The following SOX6 variants were observed in gnomAD, a reference collection of about 807,000 sequenced individuals.
The protein encoded by SOX6 is SRY-box transcription factor 6, also known as transcription factor SOX-6.
A neutral mutation model predicts 97.8 loss-of-function variants in SOX6; 11 were observed. The ratio of observed to expected loss-of-function variants is 0.11; its 90% CI spans 0.07 to 0.19. The LOEUF (loss-of-function observed/expected upper bound fraction) is 0.19, where lower values mean the gene tolerates loss of function less well. SOX6 is among the 10% of genes least tolerant of loss of function. The pLI is 1.00. For missense variants in SOX6, 810 were observed against 1,039.5 expected, an observed-to-expected ratio of 0.78 and a Z score of 3.04; for synonymous variants, 360 against 371.4, an observed-to-expected ratio of 0.97 and a Z score of 0.35.
chr11:16,433,882 C>T (rs1033001103), intron 1 of SOX6, among the ~76,000 whole-genome samples: 1 of 151,994 alleles, frequency 6.6e-6, no homozygotes, highest in African/African-American at 2.4e-5. Flanking sequence ...AGCTAATATT[C>T]AGTAGCAAAC....
rs555642924 is a variant in SOX6, at chr11:16,538,960, C to G, written n.610-62572G>C. Among the ~76,000 whole-genome samples the G allele has an allele frequency of 2.6e-5, 4 of 152,306 alleles. No homozygotes were observed. In the East Asian group the frequency reaches 7.7e-4, roughly 29 times the overall value. Reference sequence around the variant, plus strand: ...GGATATCCAGGATTTGAACTCAGCTCTGCACCAAGTGGACCTAATAGACAT... The same window carrying G: ...GGATATCCAGGATTTGAACTCAGCTGTGCACCAAGTGGACCTAATAGACAT... On this transcript the variant is annotated intron_variant and non_coding_transcript_variant, in intron 4 of 5. Transcript: ENST00000524520.
intron 1 of SOX6, among the ~76,000 whole-genome samples, chr11:16,429,831 T>A (rs1859236012): frequency 6.6e-6 from 1 of 152,038 alleles, no homozygotes; most frequent in Admixed American, 6.6e-5. Context: ...AAGTTAAAAA[T>A]AAATAAATAA....
intron 4 of SOX6, among the ~76,000 whole-genome samples, chr11:16,572,795 A>C (rs1021340227): frequency 5.3e-5 from 8 of 152,158 alleles, no homozygotes; most frequent in African/African-American, 1.7e-4. Flanking sequence ...CCTTATTCAT[A>C]ATGTCTTTCT....
intron 13 of SOX6, among the ~76,000 whole-genome samples, chr11:15,990,539 T>C (rs1854017012): frequency 6.6e-6 from 1 of 152,118 alleles, no homozygotes; most frequent in Non-Finnish European, 1.5e-5. Context: ...AGGATTTCAA[T>C]TAGTAAAATA....
At chr11:16,529,243 A>G (rs1861207852) in intron 4 of SOX6, among the ~76,000 whole-genome samples, 1 of 152,130 alleles carries the variant, frequency 6.6e-6, no homozygotes, top group Non-Finnish European at 1.5e-5. Flanking sequence ...GTAAATAATA[A>G]TTAGAGTTAT....
intron 4 of SOX6, among the ~76,000 whole-genome samples, chr11:16,209,574 G>T (rs1254566860): frequency 6.6e-6 from 1 of 152,080 alleles, no homozygotes; most frequent in African/African-American, 2.4e-5. Flanking sequence ...TGGATAACAT[G>T]GCAAAACCCC....
At chr11:16,669,460 C>T (rs1847831491) in intron 3 of SOX6, among the ~76,000 whole-genome samples, 2 of 152,222 alleles carry the variant, frequency 1.3e-5, no homozygotes, top group Admixed American at 6.5e-5. Context: ...CATACTGCAG[C>T]AGCCCTACAG....
intron 6 of SOX6, among the ~76,000 whole-genome samples, chr11:16,148,554 T>C (rs1479552916): frequency 6.6e-6 from 1 of 152,148 alleles, no homozygotes; most frequent in Non-Finnish European, 1.5e-5. Flanking sequence ...ATTCATTGTG[T>C]TCCCCTGGGA....
In SOX6 at chr11:16,613,385, T is replaced by TA. The variant is rs1848424474; in HGVS notation, n.430-1126dup. On this transcript the variant is annotated intron_variant and non_coding_transcript_variant, in intron 3 of 5. Coordinates refer to the SOX6 transcript ENST00000524520. The surrounding 1 kb of genome is among the most constrained non-coding windows in gnomAD (Gnocchi z 4.6). ...TCCACTCATAAATTATGGGTGTCAC[T>TA]AAAACGAGATTAGCAAATCTTCTAC... Among the ~76,000 whole-genome samples the TA allele has an allele frequency of 6.6e-6, 1 of 152,010 alleles. No individual in the cohort carries two copies. The highest frequency in any genetic ancestry group is 1.5e-5 in the Non-Finnish European group (1 of 67,996).
At chr11:16,150,562 G>C (rs749686893) in intron 6 of SOX6, among the ~76,000 whole-genome samples, 52 of 152,136 alleles carry the variant, frequency 3.4e-4, no homozygotes, top group Non-Finnish European at 6.3e-4. Context: ...TATTGAGCAA[G>C]GAGTCTAGAA....
chr11:16,006,094 A>C (rs946561468), intron 13 of SOX6, among the ~76,000 whole-genome samples: 1 of 152,040 alleles, frequency 6.6e-6, no homozygotes, highest in African/African-American at 2.4e-5. Context: ...GAAAGGAATT[A>C]TTTCTAGTAT....
chr11:16,348,975 G>A (rs1856836736), intron 1 of SOX6, among the ~76,000 whole-genome samples: 1 of 152,048 alleles, frequency 6.6e-6, no homozygotes, highest in Non-Finnish European at 1.5e-5. Context: ...TCAGCATCTA[G>A]AATTCTCATC....
At chr11:16,711,049 T>C (rs777663483) in intron 3 of SOX6, among the ~76,000 whole-genome samples, 4 of 152,302 alleles carry the variant, frequency 2.6e-5, no homozygotes, top group South Asian at 2.1e-4. Flanking sequence ...GTTTCTAAGA[T>C]ATATCTTGAA....
chr11:16,274,723 T>C (rs1333312325), intron 3 of SOX6, among the ~76,000 whole-genome samples: 1 of 152,188 alleles, frequency 6.6e-6, no homozygotes, highest in East Asian at 1.9e-4. Context: ...TTCCTCAGCA[T>C]AGAAAGTGAT....
At chr11:16,162,816 G>A (rs941038621) in intron 6 of SOX6, among the ~76,000 whole-genome samples, 4 of 152,096 alleles carry the variant, frequency 2.6e-5, no homozygotes, top group African/African-American at 4.8e-5. Context: ...AAAATGAGTG[G>A]TTTGAACTGA....
At position 16,055,759 on chromosome 11, in the gene SOX6, T is replaced by C; in HGVS notation, c.1244A>G (p.Gln415Arg). ...NEKRGTSPVT[Q>R]VKDEAAAQPL... The stretch of plus-strand genomic sequence containing the variant: ...GCTGCAAGGCGAGTGTACCTTAACT[T>C]GAGTTACAGGGCTGGTCCCTCTCTT... The change falls in exon 10 of 16, where the codon CAA becomes CGA. Residue 415 changes from glutamine (Q) to arginine (R), a missense_variant. Gln to Arg is a conservative substitution (Grantham distance 43). This residue lies in a region of SOX6 where 244 missense variants were observed against 261.0 expected (regional missense o/e 0.93). Coordinates refer to ENST00000683767, the MANE Select transcript of SOX6 (RefSeq NM_001367873.1). 6.2e-7 allele frequency: 1 copy of C among 1,613,624 alleles called. No homozygotes were observed. Among genetic ancestry groups the C allele is most frequent in the Non-Finnish European group, 8.5e-7 (1 of 1,179,742 alleles).
chr11:16,550,979 C>T (rs551280314), intron 4 of SOX6, among the ~76,000 whole-genome samples: 12 of 151,946 alleles, frequency 7.9e-5, no homozygotes, highest in Non-Finnish European at 1.8e-4. Context: ...GCACTTTGGG[C>T]GGCTTAGGTG....
intron 2 of SOX6, among the ~76,000 whole-genome samples, chr11:16,731,349 A>C (rs987577644): frequency 9.9e-5 from 15 of 152,214 alleles, no homozygotes; most frequent in Non-Finnish European, 1.8e-4. Context: ...AATCCTCAAT[A>C]AAATACTAGC....
chr11:16,426,184 AG>A (rs1160042922), intron 1 of SOX6, among the ~76,000 whole-genome samples: 2 of 128,102 alleles, frequency 1.6e-5, no homozygotes, highest in Admixed American at 1.8e-4. Flanking sequence ...TGAACCCGGG[AG>A]GCAGAGCTTG....
Sources: gnomAD v4.1 joint callset for allele counts (sites outside exome capture counted in the v4.1 genomes callset) on GRCh38, gnomAD v4.1.1 for gene constraint, gnomAD v4.1.1 regional missense constraint, Gnocchi (gnomAD v3.1) non-coding constraint, MANE v1.5 for transcripts, NCBI Gene and HGNC (gene_info 2026-07-23, HGNC 2026-07-21) for gene names.